The following PRAF2 variants were observed in gnomAD, a reference collection of about 807,000 sequenced individuals.
The protein encoded by PRAF2 is PRA1 family protein 2.
In PRAF2, 5 loss-of-function variants were observed where a neutral mutation model predicts 9.7. That is an observed-to-expected ratio of 0.51 (90% CI 0.27 to 1.08). PRAF2 has a LOEUF of 1.08. Among genes scored for constraint, PRAF2 ranks in the 50% least tolerant of loss-of-function variants. The probability of loss-of-function intolerance (pLI) is 0.12; values close to 1 mark genes in which losing one functional copy is unlikely to be tolerated. For missense variants in PRAF2, 135 were observed against 160.7 expected (o/e 0.84, Z 0.86); for synonymous variants, 61 against 76.6 (o/e 0.80, Z 1.06).
chrX:49,072,447 G>T lies in PRAF2; in HGVS notation c.383C>A (p.Ala128Asp), dbSNP rs1396872503. 1 of 1,193,870 alleles carries T rather than the reference G, an allele frequency of 8.4e-7. No homozygotes were observed. Reference sequence around the variant, plus strand: ...TGGAGACTCACGAAGCACCGGCCCGGCGATGCTGAACAGGAAGGTGCAAGC... The same window carrying T: ...TGGAGACTCACGAAGCACCGGCCCGTCGATGCTGAACAGGAAGGTGCAAGC... ...GGACTFLFSIAGPVLLILVHA... is the reference protein window; with the variant it reads ...GGACTFLFSIDGPVLLILVHA... The change falls in exon 2 of 3, where the codon GCC becomes GAC. Residue 128 changes from alanine (A) to aspartate (D), a missense_variant. By Grantham distance (126) the Ala-to-Asp change is moderately radical. Coordinates refer to ENST00000553851, the MANE Select transcript of PRAF2 (RefSeq NM_007213.3).
At chrX:49,072,357 G>A (rs1484899056) in intron 2 of PRAF2, 76 bp downstream of exon 2, 5 of 1,100,171 alleles carry the variant, frequency 4.5e-6, no homozygotes, top group Middle Eastern at 2.4e-4. Flanking sequence ...TCAACCCGGG[G>A]ACCGGCAGGG....
chrX:49,072,706 C>T (rs2065015911), intron 1 of PRAF2, 56 bp from the exon 2 acceptor site: 7 of 1,085,179 alleles, frequency 6.5e-6, no homozygotes, highest in Non-Finnish European at 7.5e-6. Flanking sequence ...GCCTCCGGAC[C>T]ACCACCCACC....
chrX:49,071,221 C>T lies in PRAF2; in HGVS notation c.*648G>A, dbSNP rs1415105439. On this transcript the variant is annotated 3_prime_UTR_variant, in exon 3 of 3. Transcript: ENST00000553851. Reference sequence around the variant, plus strand: ...GCAACACTAACATATACGCCCCATTCCCTGCTGAGGCCTGTCCCCACCTCA... The same window carrying T: ...GCAACACTAACATATACGCCCCATTTCCTGCTGAGGCCTGTCCCCACCTCA... 1 of 112,645 alleles carries T rather than the reference C, an allele frequency of 8.9e-6. No homozygotes were observed. The highest frequency in any genetic ancestry group is 1.9e-5 in the Non-Finnish European group (1 of 53,322). 9.3% of individuals were successfully genotyped at this position (112,645 alleles called of 1,213,427 possible). A position where few individuals can be genotyped will look rare whatever the true frequency, so the allele number is the denominator to read the frequency against.
chrX:49,072,206 G>T, intron 2 of PRAF2, 198 bp from the exon 3 acceptor site: 1 of 607,374 alleles, frequency 1.6e-6, no homozygotes. Context: ...TAACGGGGAC[G>T]TGGCCAGTGG....
chrX:49,071,744 TC>T lies in PRAF2; in HGVS notation c.*124del. ...CGTGGGGGTAGGGCGGTCACAGATG[TC>T]CTGTTTTGTTTGGGCAGGGGGCTCT... On this transcript the variant is annotated 3_prime_UTR_variant, in exon 3 of 3. Transcript: ENST00000553851. 3.6e-6 allele frequency: 3 copies of T among 831,077 alleles called. No individual in the cohort carries two copies. The highest frequency in any genetic ancestry group is 4.9e-6 in the Non-Finnish European group (3 of 608,476). The allele number at this position is 831,077 out of a possible 1,213,427, so 68.5% of individuals were successfully genotyped here.
In PRAF2 at chrX:49,073,921, C is replaced by A; in HGVS notation, c.67G>T (p.Ala23Ser). 1 of 1,211,559 alleles carries A rather than the reference C, an allele frequency of 8.3e-7. No homozygotes were observed. Among genetic ancestry groups the A allele is most frequent in the Admixed American group, 2.2e-5 (1 of 46,058 alleles). ...TGCGGGTCGCATGGATCCGGAGCCGCCAGACGCGCCGACCCCAGAACAAAG... is the reference window on the plus strand; with the variant it reads ...TGCGGGTCGCATGGATCCGGAGCCGACAGACGCGCCGACCCCAGAACAAAG... The part of the protein sequence containing the change: ...DDFVLGSARL[A>S]APDPCDPQRW... The change falls in exon 1 of 3, where the codon GCG becomes TCG. Residue 23 changes from alanine (A) to serine (S), a missense_variant. Transcript: ENST00000553851.
intron 2 of PRAF2, 142 bp from the exon 3 acceptor site, chrX:49,072,150 G>A (rs914791080): frequency 3.6e-6 from 3 of 825,115 alleles, no homozygotes; most frequent in East Asian, 3.3e-5. Flanking sequence ...AAGCGTGGCC[G>A]AGTAATTGGC....
intron 1 of PRAF2, among the ~76,000 whole-genome samples, 199 bp downstream of exon 1, chrX:49,073,610 C>T (rs2065019164): frequency 9.0e-6 from 1 of 110,849 alleles, no homozygotes; most frequent in African/African-American, 3.3e-5. Flanking sequence ...GGCTCCATCT[C>T]CCTGAGGCCC....
Sources: gnomAD v4.1 joint callset for allele counts (sites outside exome capture counted in the v4.1 genomes callset) on GRCh38, gnomAD v4.1.1 for gene constraint, MANE v1.5 for transcripts, NCBI Gene and HGNC (gene_info 2026-07-23, HGNC 2026-07-21) for gene names.